Variants in ZNF679 observed in about 807,000 individuals in gnomAD.
The protein encoded by ZNF679 is hypothetical protein MGC42415.
ZNF679 carries 10 observed loss-of-function variants against 13.4 expected under a neutral mutation model. That is an observed-to-expected ratio of 0.75 (90% CI 0.46 to 1.27). The LOEUF is 1.27. ZNF679 is among the 50% of genes most tolerant of loss of function. The pLI, the probability that ZNF679 is intolerant of heterozygous loss-of-function variation, is 0.00. For missense variants in ZNF679, 525 were observed against 477.8 expected, an observed-to-expected ratio of 1.10 and a Z score of -0.92; for synonymous variants, 179 against 162.5, an observed-to-expected ratio of 1.10 and a Z score of -0.77.
intron 2 of ZNF679, among the ~76,000 whole-genome samples, chr7:64,255,677 C>T (rs901493700): frequency 2.0e-5 from 3 of 151,676 alleles, no homozygotes; most frequent in Non-Finnish European, 4.4e-5. Context: ...GGCATGATCT[C>T]GGCTCACTGC....
At chr7:64,250,913 A>G (rs999728602) in intron 2 of ZNF679, among the ~76,000 whole-genome samples, 1 of 152,158 alleles carries the variant, frequency 6.6e-6, no homozygotes, top group African/African-American at 2.4e-5. Context: ...CAAGGTCTTA[A>G]GTCAGTTTCC....
chr7:64,241,788 G>A (rs531839274), intron 1 of ZNF679, among the ~76,000 whole-genome samples: 1 of 152,302 alleles, frequency 6.6e-6, no homozygotes, highest in East Asian at 1.9e-4. Flanking sequence ...TTCTCCTGAG[G>A]ACAGGGCTCA....
intron 2 of ZNF679, among the ~76,000 whole-genome samples, chr7:64,250,627 C>T (rs1377420890): frequency 6.6e-6 from 1 of 151,696 alleles, no homozygotes; most frequent in Non-Finnish European, 1.5e-5. Flanking sequence ...CCCATTCCGT[C>T]ACCCAGGCTG....
At chr7:64,236,937 GA>G (rs1301239387) in intron 1 of ZNF679, among the ~76,000 whole-genome samples, 6 of 32,486 alleles carry the variant, frequency 1.8e-4, no homozygotes, top group African/African-American at 3.5e-4. Flanking sequence ...AAGAAAGAAA[GA>G]AAGAAAGAAA....
At chr7:64,258,203 C>T (rs528404234) in intron 2 of ZNF679, among the ~76,000 whole-genome samples, 1 of 151,944 alleles carries the variant, frequency 6.6e-6, no homozygotes, top group African/African-American at 2.4e-5. Context: ...TTATACACAA[C>T]AAAAATGGGT....
intron 2 of ZNF679, among the ~76,000 whole-genome samples, chr7:64,249,953 C>G (rs533559431): frequency 1.2e-4 from 19 of 152,034 alleles, no homozygotes; most frequent in Non-Finnish European, 2.2e-4. Flanking sequence ...GCAGTTCTCA[C>G]GCCTCAGGCT....
intron 4 of ZNF679, among the ~76,000 whole-genome samples, chr7:64,264,637 C>T (rs1788120614): frequency 6.6e-6 from 1 of 151,888 alleles, no homozygotes; most frequent in Non-Finnish European, 1.5e-5. Flanking sequence ...ATTTTTGCTG[C>T]ATTTATTATT....
intron 1 of ZNF679, among the ~76,000 whole-genome samples, chr7:64,233,190 A>G (rs1787663265): frequency 6.6e-6 from 1 of 151,256 alleles, no homozygotes; most frequent in Non-Finnish European, 1.5e-5. Context: ...GTGAGCCAAG[A>G]TCGCCCCACT....
At position 64,250,265 on chromosome 7, in the gene ZNF679, GTTTTTTTTT is replaced by G. The variant is rs11434714; in HGVS notation, c.39+1123_39+1131del. 2.8e-4 allele frequency among the ~76,000 whole-genome samples: 26 copies of G among 91,324 alleles called. 1 individual carries two copies. The highest frequency in any genetic ancestry group is 1.1e-3 in the African/African-American group (26 of 22,930). 59.9% of individuals were successfully genotyped at this position (91,324 alleles called of 152,430 possible). On this transcript the variant is annotated intron_variant, in intron 2 of 4. Transcript: ENST00000421025. ...TCTACAGGAAACTGGCTTTCCCTTGGTTTTTTTTTTTTTTTTTTTTTTGAGACAGATTCT... is the reference window on the plus strand; with the variant it reads ...TCTACAGGAAACTGGCTTTCCCTTGGTTTTTTTTTTTTTGAGACAGATTCT...
At chr7:64,229,279 T>G (rs1299315543) in intron 1 of ZNF679, among the ~76,000 whole-genome samples, 2 of 152,148 alleles carry the variant, frequency 1.3e-5, no homozygotes, top group Non-Finnish European at 2.9e-5. Flanking sequence ...GCATGAGTGT[T>G]GTGATTTTTT....
At chr7:64,230,635 T>C (rs2116503309) in intron 1 of ZNF679, among the ~76,000 whole-genome samples, 1 of 152,300 alleles carries the variant, frequency 6.6e-6, no homozygotes. Flanking sequence ...TCGTGTGTTT[T>C]ATCCAGGCAA....
intron 2 of ZNF679, among the ~76,000 whole-genome samples, chr7:64,249,741 A>G (rs537589530): frequency 1.3e-4 from 20 of 152,322 alleles, no homozygotes; most frequent in Non-Finnish European, 2.8e-4. Context: ...CCTTATTTGT[A>G]AGATCCAGGT....
At chr7:64,243,907 T>C (rs575132102) in intron 1 of ZNF679, among the ~76,000 whole-genome samples, 139 of 152,282 alleles carry the variant, frequency 9.1e-4, no homozygotes, top group Middle Eastern at 6.8e-3. Flanking sequence ...CCTCCTCTGT[T>C]TTTTCCAAGG....
At chr7:64,258,835 A>G (rs963481340) in intron 2 of ZNF679, among the ~76,000 whole-genome samples, 1 of 147,284 alleles carries the variant, frequency 6.8e-6, no homozygotes, top group African/African-American at 2.4e-5. Context: ...TATTTTTATG[A>G]TAGTCCAGGG....
intron 2 of ZNF679, among the ~76,000 whole-genome samples, chr7:64,258,746 A>T (rs1032225544): frequency 6.6e-6 from 1 of 150,536 alleles, no homozygotes; most frequent in African/African-American, 2.4e-5. Context: ...TTGGAATGCC[A>T]TGTGTTCGGA....
rs763041438 is a variant in ZNF679 at position 64,266,543 on chromosome 7, G to A, written c.910G>A (p.Ala304Thr). 3.3e-5 allele frequency: 53 copies of A among 1,612,280 alleles called. No individual in the cohort carries two copies. Among genetic ancestry groups the A allele is most frequent in the Non-Finnish European group, 4.4e-5 (52 of 1,178,748 alleles). ...KPYTCEECGKAFSLSSSLTYH... is the reference protein window; with the variant it reads ...KPYTCEECGKTFSLSSSLTYH... ...ATACACATGTGAAGAATGTGGCAAAGCCTTTAGCTTATCCTCATCCCTCAC... is the reference window on the plus strand; with the variant it reads ...ATACACATGTGAAGAATGTGGCAAAACCTTTAGCTTATCCTCATCCCTCAC... The change falls in exon 5 of 5, where the codon GCC becomes ACC. Residue 304 changes from alanine to threonine, a missense_variant. Transcript: ENST00000421025.
chr7:64,233,193 G>A (rs1183186752), intron 1 of ZNF679, among the ~76,000 whole-genome samples: 2 of 148,708 alleles, frequency 1.3e-5, no homozygotes, highest in Admixed American at 6.8e-5. Flanking sequence ...AGCCAAGATC[G>A]CCCCACTGCC....
chr7:64,228,786 C>T (rs1200776107), intron 1 of ZNF679, 134 bp downstream of exon 1: 2 of 152,234 alleles, frequency 1.3e-5, no homozygotes, highest in East Asian at 3.8e-4. Flanking sequence ...ATCTTGGTCT[C>T]AGAGTCACTA....
At chr7:64,232,492 A>G (rs183814529) in intron 1 of ZNF679, among the ~76,000 whole-genome samples, 36 of 152,300 alleles carry the variant, frequency 2.4e-4, no homozygotes, top group Admixed American at 1.3e-3. Flanking sequence ...GATATATGTC[A>G]ATCCCATCAG....
Sources: allele counts gnomAD v4.1 joint callset (sites outside exome capture counted in the v4.1 genomes callset), GRCh38; gene constraint gnomAD v4.1.1; transcripts MANE v1.5; gene names NCBI Gene and HGNC (gene_info 2026-07-23, HGNC 2026-07-21).